Variants in GRIA3 observed in about 807,000 individuals in gnomAD.
GRIA3 encodes the protein glutamate receptor 3.
In GRIA3, 3 loss-of-function variants were observed where a neutral mutation model predicts 63.0. The observed-to-expected ratio is 0.05, with a 90% CI of 0.02 to 0.12. The LOEUF (loss-of-function observed/expected upper bound fraction) is 0.12. GRIA3 is among the 10% of genes least tolerant of loss of function. The pLI, the probability that GRIA3 is intolerant of heterozygous loss-of-function variation, is 1.00. For synonymous variants in GRIA3, 274 were observed against 257.9 expected (o/e 1.06, Z -0.60); for missense variants, 347 against 700.9 (o/e 0.50, Z 5.70).
At chrX:123,379,026 T>C (rs746719781) in intron 5 of GRIA3, among the ~76,000 whole-genome samples, 1 of 111,286 alleles carries the variant, frequency 9.0e-6, no homozygotes, top group East Asian at 2.8e-4. Flanking sequence ...TTTGTTGCAT[T>C]AATCCCACCT....
chrX:123,375,842 T>C (rs1180410812), intron 5 of GRIA3, among the ~76,000 whole-genome samples: 3 of 112,281 alleles, frequency 2.7e-5, no homozygotes. Context: ...ATTTTCACCT[T>C]TCATCTTCTA....
intron 2 of GRIA3, among the ~76,000 whole-genome samples, chrX:123,212,157 T>C (rs1349988639): frequency 8.9e-6 from 1 of 111,943 alleles, no homozygotes; most frequent in African/African-American, 3.2e-5. Context: ...GACACCATCT[T>C]TGGAATGACA....
At chrX:123,350,849 A>T (rs779507901) in intron 4 of GRIA3, among the ~76,000 whole-genome samples, 1 of 112,434 alleles carries the variant, frequency 8.9e-6, no homozygotes, top group East Asian at 2.8e-4. Context: ...TTTCTTTCAG[A>T]TCCTATATGT....
Position 123,403,100 on chromosome X carries a change from TA to T in GRIA3, c.1185+4del. 1 of 992,298 alleles carries T rather than the reference TA, an allele frequency of 1.0e-6. No individual in the cohort carries two copies. Among genetic ancestry groups the T allele is most frequent in the Non-Finnish European group, 1.4e-6 (1 of 696,077 alleles). The allele number at this position is 992,298 out of a possible 1,213,427, so 81.8% of individuals were successfully genotyped here. On this transcript the variant is annotated splice_donor_region_variant and intron_variant, in intron 8 of 15. Transcript: ENST00000620443. Reference sequence around the variant, plus strand: ...ATGAAAGTCAGTGGCTCTCGAAAAGTAAGTAACCAAAACAGACATTTAAAGA... The same window carrying T: ...ATGAAAGTCAGTGGCTCTCGAAAAGTAGTAACCAAAACAGACATTTAAAGA...
At chrX:123,326,759 CAG>C (rs752985141) in intron 4 of GRIA3, among the ~76,000 whole-genome samples, 103 of 108,359 alleles carry the variant, frequency 9.5e-4, no homozygotes, top group Middle Eastern at 4.7e-3. Context: ...CCCTCTGGAT[CAG>C]AGAGAGAGAG....
rs1569440777 is a variant in GRIA3, at chrX:123,463,602, GGGAGGGAGGGAAAGAA to G, written c.2077-1262_2077-1247del. On this transcript the variant is annotated intron_variant, in intron 12 of 15. Coordinates refer to ENST00000620443, the MANE Select transcript of GRIA3 (RefSeq NM_007325.5). ...AGGGAGGGAGGGAGGGAGGGAGGGAGGGAGGGAGGGAAAGAAAGAAAGAAAGAAAGAAAGAAAGAAA... is the reference window on the plus strand; with the variant it reads ...AGGGAGGGAGGGAGGGAGGGAGGGAGAGAAAGAAAGAAAGAAAGAAAGAAA... 2.1e-3 allele frequency among the ~76,000 whole-genome samples: 69 copies of G among 32,842 alleles called. 1 individual carries two copies. The highest frequency in any genetic ancestry group is 2.8e-3 in the Non-Finnish European group (56 of 20,010). The allele number at this position is 32,842 out of a possible 115,157, so 28.5% of individuals were successfully genotyped here. A position where few individuals can be genotyped will look rare whatever the true frequency, so the allele number is the denominator to read the frequency against.
intron 10 of GRIA3, among the ~76,000 whole-genome samples, chrX:123,412,534 G>A (rs1273605500): frequency 9.0e-6 from 1 of 111,624 alleles, no homozygotes; most frequent in African/African-American, 3.3e-5. Flanking sequence ...GAATAGTGGT[G>A]ATAGAGGGCA....
chrX:123,253,761 G>T, intron 3 of GRIA3: 1 of 392,945 alleles, frequency 2.5e-6, no homozygotes, highest in Non-Finnish European at 4.4e-6. Flanking sequence ...TGAAAAAGCA[G>T]TTTGGAATAC....
At chrX:123,238,481 G>C (rs1345728459) in intron 2 of GRIA3, among the ~76,000 whole-genome samples, 1 of 111,855 alleles carries the variant, frequency 8.9e-6, no homozygotes, top group African/African-American at 3.3e-5. Flanking sequence ...AGTGGCATAA[G>C]GTAGTAAAGA....
intron 12 of GRIA3, among the ~76,000 whole-genome samples, chrX:123,436,638 A>G (rs1189289169): frequency 1.2e-4 from 14 of 112,092 alleles, no homozygotes; most frequent in Admixed American, 1.0e-3. Flanking sequence ...CTACTTGTTT[A>G]TGAGAGCGTT....
At chrX:123,352,391 T>C (rs1452235796) in intron 4 of GRIA3, among the ~76,000 whole-genome samples, 1 of 112,711 alleles carries the variant, frequency 8.9e-6, no homozygotes, top group Non-Finnish European at 1.9e-5. Flanking sequence ...CAAACACTTT[T>C]GGAGACATTA....
At chrX:123,329,112 T>A (rs772225191) in intron 4 of GRIA3, among the ~76,000 whole-genome samples, 15 of 111,643 alleles carry the variant, frequency 1.3e-4, no homozygotes, top group Non-Finnish European at 1.5e-4. Context: ...GATGCTCCCA[T>A]CCTCCAAGAG....
intron 12 of GRIA3, among the ~76,000 whole-genome samples, chrX:123,462,287 A>G (rs1365112837): frequency 8.9e-6 from 1 of 111,804 alleles, no homozygotes; most frequent in African/African-American, 3.3e-5. Context: ...AAATCTTCCA[A>G]TAGTCTCCTA....
At chrX:123,429,694 A>G (rs2050931000) in intron 12 of GRIA3, among the ~76,000 whole-genome samples, 1 of 111,338 alleles carries the variant, frequency 9.0e-6, no homozygotes, top group South Asian at 3.7e-4. Context: ...CCCAATAGGC[A>G]TGAAGTTTCT....
At chrX:123,348,537 T>C (rs1430464256) in intron 4 of GRIA3, among the ~76,000 whole-genome samples, 3 of 111,583 alleles carry the variant, frequency 2.7e-5, no homozygotes, top group African/African-American at 9.8e-5. Context: ...CAGGGTGCCA[T>C]GAAAAGTCCT....
At chrX:123,213,174 T>C (rs1284072649) in intron 2 of GRIA3, among the ~76,000 whole-genome samples, 2 of 112,122 alleles carry the variant, frequency 1.8e-5, no homozygotes, top group African/African-American at 6.5e-5. Flanking sequence ...CGATGGACAG[T>C]CCATGGAAAA....
rs1248337967 is a variant in GRIA3, at chrX:123,265,569, AGAG to A, written c.508+12031_508+12033del. On this transcript the variant is annotated intron_variant, in intron 3 of 15. Coordinates refer to ENST00000620443, the MANE Select transcript of GRIA3 (RefSeq NM_007325.5). Reference sequence around the variant, plus strand: ...TTAAGTAGGCTGAAGAGGAAGAGGAAGAGGAGAAGTTGGTCTTGCTTTCTCAGG... The same window carrying A: ...TTAAGTAGGCTGAAGAGGAAGAGGAAGAGAAGTTGGTCTTGCTTTCTCAGG... Among the ~76,000 whole-genome samples the A allele has an allele frequency of 2.0e-4, 22 of 112,149 alleles. No individual in the cohort carries two copies. In the South Asian group the frequency reaches 2.2e-3, roughly 11 times the overall value.
intron 3 of GRIA3, among the ~76,000 whole-genome samples, chrX:123,269,534 A>G (rs962151464): frequency 9.0e-6 from 1 of 111,630 alleles, no homozygotes; most frequent in African/African-American, 3.3e-5. Flanking sequence ...GTTTTCTTCT[A>G]TGAGAATCAG....
At chrX:123,256,802 A>G (rs2044422464) in intron 3 of GRIA3, among the ~76,000 whole-genome samples, 1 of 111,912 alleles carries the variant, frequency 8.9e-6, no homozygotes, top group Admixed American at 9.5e-5. Context: ...AAAGAAGGGA[A>G]ACCAATTGAA....
Sources: gnomAD v4.1 joint callset for allele counts (sites outside exome capture counted in the v4.1 genomes callset) on GRCh38, gnomAD v4.1.1 for gene constraint, MANE v1.5 for transcripts, NCBI Gene and HGNC (gene_info 2026-07-23, HGNC 2026-07-21) for gene names.